Variants in SUFU observed in about 807,000 individuals in gnomAD.
The protein encoded by SUFU is SUFU negative regulator of hedgehog signaling, also known as suppressor of fused homolog.
In SUFU, 7 loss-of-function variants were observed where a neutral mutation model predicts 58.9. That is an observed-to-expected ratio of 0.12 (90% CI 0.07 to 0.22). SUFU has a LOEUF of 0.22. SUFU is among the 10% of genes least tolerant of loss of function. SUFU has a pLI of 1.00. For synonymous variants in SUFU, 232 were observed against 254.8 expected (o/e 0.91, Z 0.85); for missense variants, 451 against 641.3 (o/e 0.70, Z 3.20).
rs900736002 is a variant in SUFU, at chr10:102,625,042, C to T, written c.1297-2133C>T. Among the ~76,000 whole-genome samples, 2 of 152,170 alleles carry T rather than the reference C, an allele frequency of 1.3e-5. No homozygotes were observed. The highest frequency in any genetic ancestry group is 4.8e-5 in the African/African-American group (2 of 41,428). On this transcript the variant is annotated intron_variant, in intron 10 of 11. Transcript: ENST00000369902. This position sits in a 1 kb window ranked among gnomAD's most constrained non-coding sequence, Gnocchi z 4.7. ...ATGCTTGTGTTTGTGCTAGCATTTGCAGAGATGGCAACGAGCCCCGGAAAT... is the reference window on the plus strand; with the variant it reads ...ATGCTTGTGTTTGTGCTAGCATTTGTAGAGATGGCAACGAGCCCCGGAAAT...
rs1306397217 is a variant in SUFU at position 102,504,115 on chromosome 10, C to T, written c.-38C>T. Reference sequence around the variant, plus strand: ...CGTCAGTGCTCTCCCCGTCGTTTGCCCTCTCCAGTTCCCCCAGTGCCTGCC... The same window carrying T: ...CGTCAGTGCTCTCCCCGTCGTTTGCTCTCTCCAGTTCCCCCAGTGCCTGCC... On this transcript the variant is annotated 5_prime_UTR_variant, in exon 1 of 12. Transcript: ENST00000369902. 2 of 1,527,224 alleles carry T rather than the reference C, an allele frequency of 1.3e-6. No individual in the cohort carries two copies. The highest frequency in any genetic ancestry group is 2.4e-5 in the South Asian group (2 of 82,598). 94.6% of individuals were successfully genotyped at this position (1,527,224 alleles called of 1,614,324 possible).
At position 102,504,038 on chromosome 10, in the gene SUFU, T is replaced by A. The variant is rs2062285532; in HGVS notation, c.-115T>A. 14 of 1,382,268 alleles carry A rather than the reference T, an allele frequency of 1.0e-5. No homozygotes were observed. In the South Asian group the frequency reaches 1.9e-4, roughly 19 times the overall value. The allele number at this position is 1,382,268 out of a possible 1,614,324, so 85.6% of individuals were successfully genotyped here. ...GCGCAGGCGCGGAGCTAGACCTCGC[T>A]GCAGCCCCCATCGCCTCGGGGAGTC... On this transcript the variant is annotated 5_prime_UTR_variant, in exon 1 of 12. Transcript: ENST00000369902.
chr10:102,588,076 G>A (rs903349410), intron 3 of SUFU, among the ~76,000 whole-genome samples: 4 of 152,016 alleles, frequency 2.6e-5, no homozygotes, highest in Non-Finnish European at 5.9e-5. Flanking sequence ...TTCCTTTATC[G>A]AATTGTTTTG....
intron 3 of SUFU, among the ~76,000 whole-genome samples, chr10:102,564,558 C>T (rs1468765476): frequency 1.3e-5 from 2 of 152,190 alleles, no homozygotes; most frequent in Non-Finnish European, 2.9e-5. Flanking sequence ...GTCTCCAACT[C>T]TTGGGGTCAA....
chr10:102,622,110 GC>G (rs748550896), intron 10 of SUFU, among the ~76,000 whole-genome samples: 2 of 152,162 alleles, frequency 1.3e-5, no homozygotes, highest in Non-Finnish European at 2.9e-5. Flanking sequence ...TAGATTCCAA[GC>G]CCCCCTCCCT....
intron 2 of SUFU, among the ~76,000 whole-genome samples, chr10:102,529,175 A>G (rs2135690922): frequency 6.6e-6 from 1 of 152,250 alleles, no homozygotes; most frequent in African/African-American, 2.4e-5. Flanking sequence ...TCAAATGTCT[A>G]ATAAAGTATC....
intron 11 of SUFU, 151 bp downstream of exon 11, chr10:102,627,394 C>G (rs143038192): frequency 2.5e-6 from 2 of 801,552 alleles, no homozygotes; most frequent in Admixed American, 1.8e-5. Flanking sequence ...GTGGGCTCCT[C>G]CCCAAGGTGC....
chr10:102,521,650 T>C (rs2062553015), intron 2 of SUFU, among the ~76,000 whole-genome samples: 1 of 152,156 alleles, frequency 6.6e-6, no homozygotes, highest in Admixed American at 6.5e-5. Flanking sequence ...ATTTGTCCAT[T>C]CCATACCCTA....
chr10:102,579,325 C>T (rs1224795237), intron 3 of SUFU, among the ~76,000 whole-genome samples: 1 of 152,158 alleles, frequency 6.6e-6, no homozygotes, highest in East Asian at 1.9e-4. Context: ...CTCTAGCTAG[C>T]GAAACTGCAT....
At chr10:102,573,063 A>AGAATCGCAGT (rs929236680) in intron 3 of SUFU, 49 of 804,848 alleles carry the variant, frequency 6.1e-5, no homozygotes, top group Non-Finnish European at 9.0e-5. Flanking sequence ...GGCTGCCTCC[A>AGAATCGCAGT]GAATCGCAGT....
intron 2 of SUFU, among the ~76,000 whole-genome samples, chr10:102,533,993 G>T (rs1387143418): frequency 2.0e-5 from 3 of 152,324 alleles, no homozygotes; most frequent in African/African-American, 7.2e-5. Context: ...TGTGTAGACT[G>T]AACTAGAAGT....
intron 3 of SUFU, among the ~76,000 whole-genome samples, chr10:102,554,662 C>T (rs188144510): frequency 9.8e-5 from 15 of 152,292 alleles, no homozygotes; most frequent in African/African-American, 1.4e-4. Flanking sequence ...TAAGTAGCTC[C>T]GCATCCCCAC....
At chr10:102,564,401 C>T (rs1263019834) in intron 3 of SUFU, among the ~76,000 whole-genome samples, 1 of 151,708 alleles carries the variant, frequency 6.6e-6, no homozygotes, top group Admixed American at 6.6e-5. Context: ...GGTGTGATCT[C>T]GGCTTACTGC....
chr10:102,567,621 G>A (rs1168556649), intron 3 of SUFU, among the ~76,000 whole-genome samples: 3 of 152,188 alleles, frequency 2.0e-5, no homozygotes, highest in Non-Finnish European at 1.5e-5. Context: ...ACAGATGACA[G>A]TTGGAGCTTG....
At position 102,546,039 on chromosome 10, in the gene SUFU, G is replaced by A. The variant is rs138317848; in HGVS notation, c.318-3931G>A. On this transcript the variant is annotated intron_variant, in intron 2 of 11. Transcript: ENST00000369902. ...TTTCAGCAGTCATTTTGGGCTCTTG[G>A]ATGCTCACTGATACCTTCTTAGTGA... Among the ~76,000 whole-genome samples the A allele has an allele frequency of 1.8e-3, 278 of 152,330 alleles. 3 individuals carry two copies. Among genetic ancestry groups the A allele is most frequent in the African/African-American group, 6.6e-3 (273 of 41,572 alleles).
intron 2 of SUFU, among the ~76,000 whole-genome samples, chr10:102,534,643 G>C (rs1254309514): frequency 6.6e-6 from 1 of 152,230 alleles, no homozygotes; most frequent in Non-Finnish European, 1.5e-5. Flanking sequence ...CATGGGGCTT[G>C]GGCCAGCACT....
chr10:102,582,520 A>G (rs560831454), intron 3 of SUFU, among the ~76,000 whole-genome samples: 4 of 152,242 alleles, frequency 2.6e-5, no homozygotes, highest in African/African-American at 9.6e-5. Flanking sequence ...GTGATGGCCA[A>G]TTGGAGGAGC....
rs149666704 is a variant in SUFU at position 102,554,296 on chromosome 10, G to A, written c.454+4190G>A. On this transcript the variant is annotated intron_variant, in intron 3 of 11. Coordinates refer to ENST00000369902, the MANE Select transcript of SUFU (RefSeq NM_016169.4). The stretch of plus-strand genomic sequence containing the variant: ...TGGACACCTGTAATCCCAGCTACAC[G>A]GGAGGCTGAGGCAGGAGAATCACTT... Among the ~76,000 whole-genome samples the A allele has an allele frequency of 3.3e-5, 5 of 152,186 alleles. No individual in the cohort carries two copies. The East Asian group carries it at 7.7e-4, about 24-fold the overall frequency.
intron 3 of SUFU, among the ~76,000 whole-genome samples, chr10:102,559,478 G>A (rs1273350166): frequency 6.6e-6 from 1 of 152,218 alleles, no homozygotes; most frequent in Non-Finnish European, 1.5e-5. Context: ...CAGGATGGCT[G>A]TCATTTCACC....
Sources: gnomAD v4.1 joint callset for allele counts (sites outside exome capture counted in the v4.1 genomes callset) on GRCh38, gnomAD v4.1.1 for gene constraint, Gnocchi (gnomAD v3.1) non-coding constraint, MANE v1.5 for transcripts, NCBI Gene and HGNC (gene_info 2026-07-23, HGNC 2026-07-21) for gene names.